SHROOM3: variants seen among roughly 807,000 people sequenced by gnomAD.
The protein encoded by SHROOM3 is shroom family member 3, also known as protein Shroom3.
SHROOM3 carries 47 observed loss-of-function variants against 138.6 expected under a neutral mutation model. The ratio of observed to expected loss-of-function variants is 0.34; its 90% CI spans 0.27 to 0.43. SHROOM3 has a LOEUF of 0.43. SHROOM3 is among the 20% of genes least tolerant of loss of function. The pLI is 1.00. For missense variants in SHROOM3, 2,491 were observed against 2,596.5 expected, an observed-to-expected ratio of 0.96 and a Z score of 0.88; for synonymous variants, 1,062 against 1,063.3, an observed-to-expected ratio of 1.00 and a Z score of 0.02.
At chr4:76,688,705 CA>C (rs1255499978) in intron 2 of SHROOM3, 2 of 985,206 alleles carry the variant, frequency 2.0e-6, no homozygotes, top group Non-Finnish European at 2.4e-6. Flanking sequence ...ATCATAAATG[CA>C]AAACAAATGC....
intron 2 of SHROOM3, among the ~76,000 whole-genome samples, chr4:76,635,411 G>GA (rs1276784765): frequency 6.6e-6 from 1 of 152,114 alleles, no homozygotes; most frequent in Non-Finnish European, 1.5e-5. Flanking sequence ...GGTCATAAAA[G>GA]AAAAAACCAG....
intron 1 of SHROOM3, among the ~76,000 whole-genome samples, chr4:76,446,078 C>A (rs13113724): frequency 1 from 152,003 of 152,262 alleles, 75,873 homozygotes; most frequent in Middle Eastern, 1. Context: ...ACCGTACTGT[C>A]AGTAACTTGA....
intron 1 of SHROOM3, among the ~76,000 whole-genome samples, chr4:76,463,108 T>C (rs1731175043): frequency 2.0e-5 from 3 of 152,176 alleles, no homozygotes; most frequent in Admixed American, 6.5e-5. Context: ...TCCTAGAGAC[T>C]TAGTGAATGG....
At chr4:76,519,005 T>A (rs1341533142) in intron 1 of SHROOM3, among the ~76,000 whole-genome samples, 1 of 152,154 alleles carries the variant, frequency 6.6e-6, no homozygotes, top group African/African-American at 2.4e-5. Flanking sequence ...ACAGTCTGGG[T>A]ACACAGCTGG....
At chr4:76,647,112 A>G (rs571992021) in intron 2 of SHROOM3, among the ~76,000 whole-genome samples, 3 of 152,346 alleles carry the variant, frequency 2.0e-5, no homozygotes, top group Admixed American at 1.3e-4. Flanking sequence ...TTGCAGCAAC[A>G]TGGGTGGAAC....
chr4:76,445,122 T>A (rs1373993320), intron 1 of SHROOM3, among the ~76,000 whole-genome samples: 1 of 151,616 alleles, frequency 6.6e-6, no homozygotes, highest in Non-Finnish European at 1.5e-5. Context: ...GGAACATTCT[T>A]ACCTAATGAA....
At position 76,741,720 on chromosome 4, in the gene SHROOM3, C is replaced by T; in HGVS notation, c.3547C>T (p.Arg1183Trp). Residue 1183 changes from arginine to tryptophan, a missense_variant, in exon 5 of 11, where the codon CGG becomes TGG. Physicochemically the swap from Arg to Trp is moderately radical, Grantham distance 101 (BLOSUM62 -3). Transcript: ENST00000296043. This position sits in a 1 kb window ranked among gnomAD's most constrained non-coding sequence, Gnocchi z 6.2. The part of the protein sequence containing the change: ...SFAGGRRLGE[R>W]RRGDLLSGAN... Reference sequence around the variant, plus strand: ...CGCCGGTGGCCGCCGCCTCGGGGAACGGCGACGCGGGGACCTGCTTAGCGG... The same window carrying T: ...CGCCGGTGGCCGCCGCCTCGGGGAATGGCGACGCGGGGACCTGCTTAGCGG... 1 of 1,554,780 alleles carries T rather than the reference C, an allele frequency of 6.4e-7. No homozygotes were observed.
At chr4:76,517,412 C>T (rs925655337) in intron 1 of SHROOM3, among the ~76,000 whole-genome samples, 1 of 152,182 alleles carries the variant, frequency 6.6e-6, no homozygotes, top group Non-Finnish European at 1.5e-5. Flanking sequence ...ATCCCAAATA[C>T]AGAACATCCC....
intron 2 of SHROOM3, among the ~76,000 whole-genome samples, chr4:76,570,235 C>T (rs1048162047): frequency 1.3e-5 from 2 of 152,040 alleles, no homozygotes; most frequent in Admixed American, 6.6e-5. Flanking sequence ...GAGCAACCTG[C>T]AGCAGTTTCT....
rs554939884 is a variant in SHROOM3, at chr4:76,547,404, T to C, written c.169-8205T>C. 4.6e-5 allele frequency among the ~76,000 whole-genome samples: 7 copies of C among 152,324 alleles called. No homozygotes were observed. In the East Asian group the frequency reaches 1.3e-3, roughly 29 times the overall value. ...CAATTATAATAACCTTATTGTGTTG[T>C]TGTGACAATTTGATGCGATAAAGTT... On this transcript the variant is annotated intron_variant, in intron 1 of 10. Transcript: ENST00000296043.
chr4:76,740,093 G>A lies in SHROOM3; in HGVS notation c.1920G>A (p.Arg640=). ...FQEDHNANLW[R]RLEREGLGQS... ...AAGACCACAATGCCAACCTCTGGAG[G>A]AGGCTGGAGAGAGAAGGCCTAGGCC... The change falls in exon 5 of 11, where the codon AGG becomes AGA. Residue 640 remains arginine (R), a synonymous_variant. Coordinates refer to ENST00000296043, the MANE Select transcript of SHROOM3 (RefSeq NM_020859.4). The surrounding 1 kb of genome is among the most constrained non-coding windows in gnomAD (Gnocchi z 4.0). 4.3e-6 allele frequency: 7 copies of A among 1,613,794 alleles called. No homozygotes were observed. Among genetic ancestry groups the A allele is most frequent in the Non-Finnish European group, 5.9e-6 (7 of 1,180,030 alleles).
At chr4:76,573,309 C>T (rs1733867795) in intron 2 of SHROOM3, among the ~76,000 whole-genome samples, 1 of 150,684 alleles carries the variant, frequency 6.6e-6, no homozygotes, top group African/African-American at 2.4e-5. Flanking sequence ...AACCTAGTCA[C>T]ATGACAATTT....
chr4:76,591,942 A>C (rs1734281646), intron 2 of SHROOM3, among the ~76,000 whole-genome samples: 1 of 152,236 alleles, frequency 6.6e-6, no homozygotes, highest in African/African-American at 2.4e-5. Flanking sequence ...CACAGGTAAC[A>C]AGTCAGATAA....
At chr4:76,554,256 A>C (rs1733430576) in intron 1 of SHROOM3, among the ~76,000 whole-genome samples, 1 of 152,074 alleles carries the variant, frequency 6.6e-6, no homozygotes. Flanking sequence ...ATGCATTTTA[A>C]GTTTCCTTCA....
At chr4:76,455,625 C>T in intron 1 of SHROOM3, among the ~76,000 whole-genome samples, 1 of 151,832 alleles carries the variant, frequency 6.6e-6, no homozygotes, top group East Asian at 1.9e-4. Context: ...ATGAAATTCA[C>T]AAAAAAGAAT....
chr4:76,599,246 T>A (rs1734453723), intron 2 of SHROOM3, among the ~76,000 whole-genome samples: 1 of 151,868 alleles, frequency 6.6e-6, no homozygotes, highest in South Asian at 2.1e-4. Context: ...GGTTAAAGAG[T>A]AAGAGGAGGG....
rs554584398 is a variant in SHROOM3, at chr4:76,674,629, C to G, written c.324-35527C>G. 7.5e-4 allele frequency among the ~76,000 whole-genome samples: 103 copies of G among 137,328 alleles called. 1 individual carries two copies. The highest frequency in any genetic ancestry group is 2.7e-3 in the African/African-American group (100 of 36,978). 90.1% of individuals were successfully genotyped at this position (137,328 alleles called of 152,430 possible). A position where few individuals can be genotyped will look rare whatever the true frequency, so the allele number is the denominator to read the frequency against. ...CCCAGGCTGCCACAATCTCAGCTCA[C>G]TGCAAACGCTGCGTCCCCAGGCTCA... On this transcript the variant is annotated intron_variant, in intron 2 of 10. Transcript: ENST00000296043.
chr4:76,727,445 G>C (rs1350317349), intron 3 of SHROOM3, among the ~76,000 whole-genome samples: 1 of 152,202 alleles, frequency 6.6e-6, no homozygotes, highest in Non-Finnish European at 1.5e-5. Flanking sequence ...CAGTGAGGCA[G>C]CCTACCTTCA....
intron 2 of SHROOM3, among the ~76,000 whole-genome samples, chr4:76,638,019 G>A (rs991526044): frequency 2.6e-5 from 4 of 152,148 alleles, no homozygotes; most frequent in African/African-American, 9.7e-5. Flanking sequence ...GAGGTTAGGT[G>A]GGGTGACTAT....
Sources: gnomAD v4.1 joint callset for allele counts (sites outside exome capture counted in the v4.1 genomes callset) on GRCh38, gnomAD v4.1.1 for gene constraint, Gnocchi (gnomAD v3.1) non-coding constraint, MANE v1.5 for transcripts, NCBI Gene and HGNC (gene_info 2026-07-23, HGNC 2026-07-21) for gene names.